The following ARSG variants were observed in gnomAD, a reference collection of about 807,000 sequenced individuals.
ARSG encodes the protein arylsulfatase G.
ARSG carries 37 observed loss-of-function variants against 50.5 expected under a neutral mutation model. The ratio of observed to expected loss-of-function variants is 0.73; its 90% CI spans 0.56 to 0.96. The LOEUF (loss-of-function observed/expected upper bound fraction) is 0.96. Ranked by LOEUF, ARSG falls within the 50% of genes least tolerant of loss-of-function variation. The pLI, the probability that ARSG is intolerant of heterozygous loss-of-function variation, is 0.00. For missense variants in ARSG, 629 were observed against 675.3 expected, an observed-to-expected ratio of 0.93 and a Z score of 0.76; for synonymous variants, 225 against 254.6, an observed-to-expected ratio of 0.88 and a Z score of 1.11.
intron 2 of ARSG, among the ~76,000 whole-genome samples, chr17:68,315,777 T>C (rs1555768307): frequency 6.6e-6 from 1 of 152,146 alleles, no homozygotes; most frequent in East Asian, 1.9e-4. Context: ...GGACTACAAG[T>C]GTGTGCCACC....
chr17:68,399,802 C>T lies in ARSG; in HGVS notation c.1213-1558C>T, dbSNP rs1239547414. ...ACTTCACTCCCATCTTCTGCATGTC[C>T]GCGTGCATCGTATATCAGTTGACAA... On this transcript the variant is annotated intron_variant, in intron 10 of 11. Coordinates refer to ENST00000621439, the MANE Select transcript of ARSG (RefSeq NM_001267727.2). This position sits in a 1 kb window ranked among gnomAD's most constrained non-coding sequence, Gnocchi z 4.6. Among the ~76,000 whole-genome samples, 1 of 152,158 alleles carries T rather than the reference C, an allele frequency of 6.6e-6. No individual in the cohort carries two copies. The highest frequency in any genetic ancestry group is 1.5e-5 in the Non-Finnish European group (1 of 68,032).
At chr17:68,304,144 C>T (rs1555763012) in intron 1 of ARSG, among the ~76,000 whole-genome samples, 2 of 152,194 alleles carry the variant, frequency 1.3e-5, no homozygotes, top group African/African-American at 4.8e-5. Context: ...GGCATGAGGC[C>T]ACTCTAGTGT....
chr17:68,264,441 C>T (rs1159585416), intron 1 of ARSG, among the ~76,000 whole-genome samples: 2 of 151,924 alleles, frequency 1.3e-5, no homozygotes, highest in Non-Finnish European at 2.9e-5. Flanking sequence ...TACATGGTCT[C>T]AACTCTTTTT....
In ARSG at chr17:68,271,763, G is replaced by A. The variant is rs1555748981; in HGVS notation, c.-552+12337G>A. 1 of 815,128 alleles carries A rather than the reference G, an allele frequency of 1.2e-6. No individual in the cohort carries two copies. Among genetic ancestry groups the A allele is most frequent in the Non-Finnish European group, 1.9e-6 (1 of 518,672 alleles). The allele number at this position is 815,128 out of a possible 1,614,324, so 50.5% of individuals were successfully genotyped here. A position where few individuals can be genotyped will look rare whatever the true frequency, so the allele number is the denominator to read the frequency against. ...GGATCCAGATTTTGTTATAAGTTCTGTGGAAATTTATTATACTCAGCAGTA... is the reference window on the plus strand; with the variant it reads ...GGATCCAGATTTTGTTATAAGTTCTATGGAAATTTATTATACTCAGCAGTA... On this transcript the variant is annotated intron_variant, in intron 1 of 11. Transcript: ENST00000448504. This position sits in a 1 kb window ranked among gnomAD's most constrained non-coding sequence, Gnocchi z 5.3.
In ARSG at chr17:68,277,982, G is replaced by A. The variant is rs996734299; in HGVS notation, c.-552+18556G>A. ...TCAGGGCTAGGAAGGACCAACAGGC[G>A]TATAAGGGAATGAAAGCATCACAAA... On this transcript the variant is annotated intron_variant, in intron 1 of 11. Transcript: ENST00000448504. 256 of 715,264 alleles carry A rather than the reference G, an allele frequency of 3.6e-4. 3 individuals carry two copies. The highest frequency in any genetic ancestry group is 1.2e-4 in the Non-Finnish European group (49 of 424,786). The allele number at this position is 715,264 out of a possible 1,614,324, so 44.3% of individuals were successfully genotyped here. A position where few individuals can be genotyped will look rare whatever the true frequency, so the allele number is the denominator to read the frequency against.
intron 2 of ARSG, among the ~76,000 whole-genome samples, chr17:68,322,602 T>C (rs539271161): frequency 6.0e-5 from 9 of 150,930 alleles, no homozygotes; most frequent in Non-Finnish European, 1.2e-4. Flanking sequence ...GGCGATAGAG[T>C]GAGACTCCGT....
rs79039254 is a variant in ARSG at position 68,381,554 on chromosome 17, T to TCTTA, written c.983-3507_983-3504dup. Among the ~76,000 whole-genome samples, 12,301 of 152,300 alleles carry TCTTA rather than the reference T, an allele frequency of 0.081. 622 individuals carry two copies. The highest frequency in any genetic ancestry group is 0.16 in the Admixed American group (2,383 of 15,298). On this transcript the variant is annotated intron_variant, in intron 8 of 11. Transcript: ENST00000621439. This position sits in a 1 kb window ranked among gnomAD's most constrained non-coding sequence, Gnocchi z 4.1. ...GTTTCATTTATGGATTGTCTATTGT[T>TCTTA]CTTACTATGACTTATAAGGTCATAT...
chr17:68,346,292 T>C (rs2078499683), intron 3 of ARSG, among the ~76,000 whole-genome samples: 1 of 152,222 alleles, frequency 6.6e-6, no homozygotes, highest in South Asian at 2.1e-4. Flanking sequence ...TCACCGATTC[T>C]TAATTTTTGC....
chr17:68,414,341 G>T (rs1393869456), intron 11 of ARSG, among the ~76,000 whole-genome samples: 1 of 152,072 alleles, frequency 6.6e-6, no homozygotes, highest in Non-Finnish European at 1.5e-5. Flanking sequence ...ACATTTATTG[G>T]TATATGTTAA....
At position 68,397,690 on chromosome 17, in the gene ARSG, G is replaced by A. The variant is rs185263280; in HGVS notation, c.1212+2497G>A. Among the ~76,000 whole-genome samples, 86 of 152,190 alleles carry A rather than the reference G, an allele frequency of 5.7e-4. No individual in the cohort carries two copies. In the Middle Eastern group the frequency reaches 0.01, roughly 18 times the overall value. ...TACATGTATGCATATGTGTGCATAC[G>A]TCTATACATGTGTGTTATACGTGTG... On this transcript the variant is annotated intron_variant, in intron 10 of 11. Transcript: ENST00000621439.
At chr17:68,444,378 A>G in the ARSG span, 2 of 905,688 alleles carry the variant, frequency 2.2e-6, no homozygotes. Context: ...AAACCTCACT[A>G]AGACTCAAAA....
intron 1 of ARSG, among the ~76,000 whole-genome samples, chr17:68,279,745 A>G (rs2075633428): frequency 6.6e-6 from 1 of 152,206 alleles, no homozygotes; most frequent in African/African-American, 2.4e-5. Context: ...GCACATGAAT[A>G]CTGTCTTTTT....
At chr17:68,344,467 T>A (rs1413650288) in intron 3 of ARSG, among the ~76,000 whole-genome samples, 1 of 152,258 alleles carries the variant, frequency 6.6e-6, no homozygotes, top group Non-Finnish European at 1.5e-5. Context: ...TTAAAACATT[T>A]TTTTAGGCAT....
the ARSG span, among the ~76,000 whole-genome samples, chr17:68,431,987 C>A: frequency 6.6e-6 from 1 of 152,172 alleles, no homozygotes; most frequent in Non-Finnish European, 1.5e-5. Context: ...AAACCCATGA[C>A]AACAGATGAT....
chr17:68,267,002 T>TA (rs1227832869), intron 1 of ARSG: 9 of 152,072 alleles, frequency 5.9e-5, no homozygotes, highest in African/African-American at 2.2e-4. Flanking sequence ...TGAGAGTCAA[T>TA]AAAAAATCTT....
At position 68,351,585 on chromosome 17, in the gene ARSG, C is replaced by T. The variant is rs1379541860; in HGVS notation, c.465C>T (p.Tyr155=). 1.2e-6 allele frequency: 2 copies of T among 1,610,186 alleles called. No homozygotes were observed. The highest frequency in any genetic ancestry group is 1.7e-6 in the Non-Finnish European group (2 of 1,176,504). ...SYHPNFRGFD[Y]YFGIPYSHDM... ...TTGCTTCTATTCCAGGTTTTGATTACTACTTTGGAATCCCATATAGCCATG... is the reference window on the plus strand; with the variant it reads ...TTGCTTCTATTCCAGGTTTTGATTATTACTTTGGAATCCCATATAGCCATG... The change falls in exon 5 of 12, where the codon TAC becomes TAT. Residue 155 remains tyrosine, a synonymous_variant. Transcript: ENST00000621439.
intron 2 of ARSG, among the ~76,000 whole-genome samples, chr17:68,315,878 G>C (rs1555768347): frequency 2.0e-5 from 3 of 152,094 alleles, no homozygotes; most frequent in African/African-American, 7.2e-5. Context: ...TGATCCACCT[G>C]CCTCGGCCTC....
the ARSG span, among the ~76,000 whole-genome samples, chr17:68,436,960 C>G: frequency 6.6e-6 from 1 of 151,028 alleles, no homozygotes; most frequent in African/African-American, 2.4e-5. Context: ...TGCCACTGCA[C>G]TCCAGCCTGG....
intron 2 of ARSG, among the ~76,000 whole-genome samples, chr17:68,327,702 C>T (rs1599735973): frequency 1.3e-5 from 2 of 152,286 alleles, no homozygotes; most frequent in Admixed American, 1.3e-4. Flanking sequence ...AGGTAGAGGG[C>T]TCAGGACTTC....
Sources: gnomAD v4.1 joint callset for allele counts (sites outside exome capture counted in the v4.1 genomes callset) on GRCh38, gnomAD v4.1.1 for gene constraint, Gnocchi (gnomAD v3.1) non-coding constraint, MANE v1.5 for transcripts, NCBI Gene and HGNC (gene_info 2026-07-23, HGNC 2026-07-21) for gene names.